The following ABCA12 variants were observed in gnomAD, a reference collection of about 807,000 sequenced individuals.
ABCA12 encodes the protein glucosylceramide transporter ABCA12.
In ABCA12, 156 loss-of-function variants were observed where a neutral mutation model predicts 293.5. The ratio of observed to expected loss-of-function variants is 0.53; its 90% CI spans 0.47 to 0.61. The LOEUF (loss-of-function observed/expected upper bound fraction) is 0.61, where lower values mean the gene tolerates loss of function less well. Ranked by LOEUF, ABCA12 falls within the 20% of genes least tolerant of loss-of-function variation. The pLI is 0.00. For synonymous variants in ABCA12, 1,063 were observed against 1,108.0 expected (o/e 0.96, Z 0.81); for missense variants, 2,797 against 3,090.2 (o/e 0.91, Z 2.25).
At chr2:215,128,874 G>T (rs914681193) in intron 1 of ABCA12, among the ~76,000 whole-genome samples, 1 of 152,116 alleles carries the variant, frequency 6.6e-6, no homozygotes, top group Non-Finnish European at 1.5e-5. Context: ...GAAGAGCCTT[G>T]TTTTGTCATA....
chr2:214,986,404 A>C (rs1179879995), intron 28 of ABCA12, 138 bp downstream of exon 28: 1 of 922,726 alleles, frequency 1.1e-6, no homozygotes, highest in Non-Finnish European at 1.7e-6. Flanking sequence ...ATTCTATAGC[A>C]TACAAGTTGA....
chr2:215,039,738 GA>G (rs1240941133), intron 7 of ABCA12, among the ~76,000 whole-genome samples: 1 of 151,578 alleles, frequency 6.6e-6, no homozygotes, highest in South Asian at 2.1e-4. Context: ...CTGGGCAACA[GA>G]GCAAGACTCC....
intron 48 of ABCA12, 115 bp from the exon 49 acceptor site, chr2:214,945,219 G>C: frequency 1.2e-6 from 1 of 842,488 alleles, no homozygotes; most frequent in South Asian, 1.5e-5. Flanking sequence ...GAGGTCCTGT[G>C]ACTAACTTGT....
intron 47 of ABCA12, chr2:214,947,986 A>T: frequency 4.5e-6 from 1 of 220,694 alleles, no homozygotes. Flanking sequence ...TTTAAAACTG[A>T]CCCAGTACCA....
intron 1 of ABCA12, among the ~76,000 whole-genome samples, chr2:215,132,330 T>C (rs1703077446): frequency 6.6e-6 from 1 of 152,046 alleles, no homozygotes; most frequent in Non-Finnish European, 1.5e-5. Flanking sequence ...GTAATATAAG[T>C]GGGGTGTTGA....
intron 24 of ABCA12, 132 bp downstream of exon 24, chr2:214,990,570 A>G (rs139152257): frequency 0.015 from 13,955 of 904,206 alleles, 145 homozygotes; most frequent in Middle Eastern, 0.02. Flanking sequence ...TCATTAGGAC[A>G]TTAAGCTTAC....
intron 23 of ABCA12, among the ~76,000 whole-genome samples, chr2:214,992,448 GA>G (rs1175814251): frequency 1.2e-3 from 44 of 36,250 alleles, no homozygotes; most frequent in East Asian, 1.8e-3. Flanking sequence ...GTCTCAAAAA[GA>G]AAAAAAAAAA....
In ABCA12 at chr2:214,953,857, A is replaced by C; in HGVS notation, c.6644T>G (p.Leu2215Arg). The C allele has an allele frequency of 6.2e-7, 1 of 1,613,690 alleles. No homozygotes were observed. Among genetic ancestry groups the C allele is most frequent in the Non-Finnish European group, 8.5e-7 (1 of 1,179,802 alleles). Residue 2215 changes from leucine to arginine, a missense_variant, in exon 44 of 53, where the codon CTC (leucine) becomes CGC (arginine). This residue lies in a region of ABCA12 where 2,130 missense variants were observed against 2,427.0 expected (regional missense o/e 0.88). Coordinates refer to ENST00000272895, the MANE Select transcript of ABCA12 (RefSeq NM_173076.3). ...GTTATGTTTTCATTATATTTACCTG[A>C]GTTTCTTTATCAGGGATTCGTTGAT... ...LLINESLIKK[L>R]RLFFRKFNSS...
At chr2:215,043,725 C>T (rs1201579289) in intron 7 of ABCA12, among the ~76,000 whole-genome samples, 1 of 151,884 alleles carries the variant, frequency 6.6e-6, no homozygotes, top group Non-Finnish European at 1.5e-5. Flanking sequence ...TTACGGGGTA[C>T]AAAGTGAAGT....
chr2:215,082,205 C>A (rs776309875), intron 2 of ABCA12, among the ~76,000 whole-genome samples: 1 of 151,810 alleles, frequency 6.6e-6, no homozygotes, highest in Non-Finnish European at 1.5e-5. Flanking sequence ...CCACCGTGCC[C>A]AGCTAATTTT....
At chr2:215,081,172 A>C (rs531112544) in intron 2 of ABCA12, among the ~76,000 whole-genome samples, 6 of 152,192 alleles carry the variant, frequency 3.9e-5, no homozygotes, top group Admixed American at 3.9e-4. Context: ...GTTTGCCTTC[A>C]CTTCTTAACA....
chr2:215,020,473 C>G (rs893227869), intron 11 of ABCA12, among the ~76,000 whole-genome samples: 5 of 152,000 alleles, frequency 3.3e-5, no homozygotes, highest in Non-Finnish European at 7.4e-5. Flanking sequence ...GATGAGGTAC[C>G]TAGAGTTGTC....
intron 23 of ABCA12, 26 bp from the exon 24 acceptor site, chr2:214,991,057 C>G (rs1222541797): frequency 1.3e-6 from 2 of 1,582,818 alleles, no homozygotes; most frequent in Non-Finnish European, 1.7e-6. Context: ...ATGTGAGGCG[C>G]TTGTTATGCT....
intron 2 of ABCA12, among the ~76,000 whole-genome samples, chr2:215,090,580 A>T (rs1406374158): frequency 3.9e-5 from 6 of 152,116 alleles, no homozygotes; most frequent in African/African-American, 1.4e-4. Context: ...CATGAACTCA[A>T]AACTCCAGCG....
rs149067345 is a variant in ABCA12 at position 215,078,020 on chromosome 2, C to T, written c.164-13801G>A. Among the ~76,000 whole-genome samples, 291 of 152,296 alleles carry T rather than the reference C, an allele frequency of 1.9e-3. 1 individual carries two copies. Among genetic ancestry groups the T allele is most frequent in the African/African-American group, 6.3e-3 (263 of 41,554 alleles). Reference sequence around the variant, plus strand: ...AAAGACACAACCTAATTTATTTAAACGATACCACGTTTGCTGCCTGTGCAG... The same window carrying T: ...AAAGACACAACCTAATTTATTTAAATGATACCACGTTTGCTGCCTGTGCAG... On this transcript the variant is annotated intron_variant, in intron 2 of 52. Transcript: ENST00000272895.
At chr2:215,104,621 G>A (rs1471632443) in intron 2 of ABCA12, among the ~76,000 whole-genome samples, 1 of 152,192 alleles carries the variant, frequency 6.6e-6, no homozygotes, top group Non-Finnish European at 1.5e-5. Flanking sequence ...GGTATGTGAA[G>A]GGTCAGTAAT....
At chr2:214,946,098 G>A (rs1358757079) in intron 48 of ABCA12, among the ~76,000 whole-genome samples, 3 of 152,028 alleles carry the variant, frequency 2.0e-5, no homozygotes, top group South Asian at 2.1e-4. Flanking sequence ...ACAAGGAAAT[G>A]ATACATATTT....
intron 29 of ABCA12, among the ~76,000 whole-genome samples, chr2:214,983,386 T>G (rs1699712616): frequency 6.6e-6 from 1 of 152,130 alleles, no homozygotes; most frequent in South Asian, 2.1e-4. Context: ...ACCAGGGTAG[T>G]AGCCATGGAG....
At chr2:215,081,525 G>GA (rs1575031168) in intron 2 of ABCA12, among the ~76,000 whole-genome samples, 8 of 143,382 alleles carry the variant, frequency 5.6e-5, no homozygotes, top group Non-Finnish European at 7.7e-5. Flanking sequence ...AAAAGAAAAA[G>GA]TAAAAGAAAA....
Sources: gnomAD v4.1 joint callset for allele counts (sites outside exome capture counted in the v4.1 genomes callset) on GRCh38, gnomAD v4.1.1 for gene constraint, gnomAD v4.1.1 regional missense constraint, MANE v1.5 for transcripts, NCBI Gene and HGNC (gene_info 2026-07-23, HGNC 2026-07-21) for gene names.